The following RALYL variants were observed in gnomAD, a reference collection of about 807,000 sequenced individuals.
RALYL encodes the protein RNA-binding Raly-like protein.
RALYL carries 29 observed loss-of-function variants against 35.1 expected under a neutral mutation model. That is an observed-to-expected ratio of 0.83 (90% CI 0.61 to 1.13). The LOEUF is 1.13. Among genes scored for constraint, RALYL ranks in the 50% most tolerant of loss-of-function variants. The probability of loss-of-function intolerance (pLI) is 0.00; values close to 1 mark genes in which losing one functional copy is unlikely to be tolerated. For synonymous variants in RALYL, 120 were observed against 127.6 expected (o/e 0.94, Z 0.40); for missense variants, 359 against 360.4 (o/e 1.00, Z 0.03).
intron 2 of RALYL, among the ~76,000 whole-genome samples, chr8:84,670,147 C>A (rs77423168): frequency 0.015 from 2,314 of 151,964 alleles, 62 homozygotes; most frequent in African/African-American, 0.053. Context: ...AATAACCTCC[C>A]ACCTCTTGCA....
chr8:84,678,979 A>G (rs1165238375), intron 2 of RALYL: 7 of 239,448 alleles, frequency 2.9e-5, no homozygotes, highest in African/African-American at 4.5e-5. Flanking sequence ...AAAATTAATT[A>G]TCTCAGTAGT....
At chr8:84,435,270 T>G (rs1014633224) in intron 1 of RALYL, among the ~76,000 whole-genome samples, 1 of 152,190 alleles carries the variant, frequency 6.6e-6, no homozygotes, top group Non-Finnish European at 1.5e-5. Flanking sequence ...AATTTATTTC[T>G]GTATGTGAGA....
chr8:84,642,751 A>G (rs1282304899), intron 2 of RALYL, among the ~76,000 whole-genome samples: 2 of 152,022 alleles, frequency 1.3e-5, no homozygotes, highest in Non-Finnish European at 1.5e-5. Context: ...AAAAGAAAGG[A>G]ATGGAGAGAA....
chr8:84,451,204 C>A (rs2049436140), intron 1 of RALYL, among the ~76,000 whole-genome samples: 2 of 151,998 alleles, frequency 1.3e-5, no homozygotes, highest in African/African-American at 2.4e-5. Context: ...AATATTCCAA[C>A]TATATTTCTG....
chr8:84,627,497 T>TA (rs1203045910), intron 2 of RALYL, among the ~76,000 whole-genome samples: 1 of 149,464 alleles, frequency 6.7e-6, no homozygotes, highest in Non-Finnish European at 1.5e-5. Flanking sequence ...TTTCAGTTTT[T>TA]ATCTCCTAGG....
At chr8:84,260,713 A>G (rs897441493) in intron 1 of RALYL, among the ~76,000 whole-genome samples, 1 of 152,142 alleles carries the variant, frequency 6.6e-6, no homozygotes, top group African/African-American at 2.4e-5. Context: ...TATTACCATG[A>G]CCTACTAGGA....
At chr8:84,469,252 T>G (rs569508039) in intron 1 of RALYL, among the ~76,000 whole-genome samples, 39 of 152,194 alleles carry the variant, frequency 2.6e-4, no homozygotes, top group African/African-American at 8.7e-4. Context: ...TTCTGTTCTG[T>G]TTTTTCCCCA....
chr8:84,573,331 G>T (rs1259514730), intron 2 of RALYL, among the ~76,000 whole-genome samples: 1 of 151,616 alleles, frequency 6.6e-6, no homozygotes, highest in South Asian at 2.1e-4. Context: ...CTGCCAGATA[G>T]AACTTTAGTA....
At chr8:84,800,711 C>T (rs1823040874) in intron 3 of RALYL, among the ~76,000 whole-genome samples, 1 of 152,160 alleles carries the variant, frequency 6.6e-6, no homozygotes, top group African/African-American at 2.4e-5. Flanking sequence ...TCTCTCTAGG[C>T]ATATCACAAT....
intron 2 of RALYL, among the ~76,000 whole-genome samples, chr8:84,716,098 A>G (rs1328443534): frequency 6.6e-6 from 1 of 152,130 alleles, no homozygotes; most frequent in Non-Finnish European, 1.5e-5. Context: ...ACTGCCTTAG[A>G]GGAACAGCTG....
At chr8:84,726,817 A>G (rs1479500879) in intron 2 of RALYL, among the ~76,000 whole-genome samples, 1 of 152,052 alleles carries the variant, frequency 6.6e-6, no homozygotes, top group African/African-American at 2.4e-5. Context: ...TCAATGGGAA[A>G]TGTACTGTGC....
At chr8:84,914,258 G>A (rs1197695976) in intron 8 of RALYL, among the ~76,000 whole-genome samples, 30 of 151,940 alleles carry the variant, frequency 2.0e-4, no homozygotes, top group Non-Finnish European at 2.1e-4. Context: ...TTTCGCACTA[G>A]CATTAACTTA....
chr8:84,507,561 G>C (rs1397397790), intron 1 of RALYL, among the ~76,000 whole-genome samples: 1 of 152,146 alleles, frequency 6.6e-6, no homozygotes, highest in Non-Finnish European at 1.5e-5. Flanking sequence ...TTGCCATCAA[G>C]TATAAATTGT....
At chr8:84,761,254 G>GCATTTATAATACCTTTAAAATTGCAT (rs1812623695) in intron 2 of RALYL, among the ~76,000 whole-genome samples, 1 of 151,666 alleles carries the variant, frequency 6.6e-6, no homozygotes, top group East Asian at 1.9e-4. Context: ...CAACTTTAAA[G>GCATTTATAATACCTTTAAAATTGCAT]ACCTTTAAAA....
chr8:84,606,520 A>C (rs374986495), intron 2 of RALYL, among the ~76,000 whole-genome samples: 1 of 152,208 alleles, frequency 6.6e-6, no homozygotes, highest in South Asian at 2.1e-4. Flanking sequence ...ACAGAAGACA[A>C]CTTAATATGG....
At chr8:84,366,268 G>T (rs897538846) in intron 1 of RALYL, among the ~76,000 whole-genome samples, 1 of 152,152 alleles carries the variant, frequency 6.6e-6, no homozygotes, top group African/African-American at 2.4e-5. Context: ...AACGTTGTAT[G>T]ACCTAAGAGG....
intron 1 of RALYL, among the ~76,000 whole-genome samples, chr8:84,456,874 A>G (rs968372389): frequency 3.3e-5 from 5 of 152,008 alleles, no homozygotes; most frequent in African/African-American, 1.2e-4. Context: ...CAAAGATACT[A>G]TAGTACATTT....
intron 2 of RALYL, among the ~76,000 whole-genome samples, chr8:84,763,461 T>G (rs544681621): frequency 9.9e-5 from 15 of 152,162 alleles, no homozygotes; most frequent in Non-Finnish European, 1.9e-4. Context: ...ATAGCTGAGA[T>G]TTTTCACCAT....
chr8:84,429,990 T>C (rs551366579), intron 1 of RALYL, among the ~76,000 whole-genome samples: 1 of 151,050 alleles, frequency 6.6e-6, no homozygotes, highest in South Asian at 2.1e-4. Context: ...AGATAGGAAA[T>C]AGACTTCTAG....
Sources: allele counts gnomAD v4.1 joint callset (sites outside exome capture counted in the v4.1 genomes callset), GRCh38; gene constraint gnomAD v4.1.1; transcripts MANE v1.5; gene names NCBI Gene and HGNC (gene_info 2026-07-23, HGNC 2026-07-21).